Variants in SPRED1 observed in about 807,000 individuals in gnomAD.
SPRED1 encodes the protein sprouty-related, EVH1 domain-containing protein 1.
In SPRED1, 18 loss-of-function variants were observed where a neutral mutation model predicts 52.3. The observed-to-expected ratio is 0.34, with a 90% CI of 0.24 to 0.51. SPRED1 has a LOEUF of 0.51. Ranked by LOEUF, SPRED1 falls within the 20% of genes least tolerant of loss-of-function variation. The probability of loss-of-function intolerance (pLI) is 0.97; values close to 1 mark genes in which losing one functional copy is unlikely to be tolerated. For missense variants in SPRED1, 485 were observed against 551.0 expected, an observed-to-expected ratio of 0.88 and a Z score of 1.20; for synonymous variants, 155 against 179.7, an observed-to-expected ratio of 0.86 and a Z score of 1.10.
At chr15:38,280,305 C>G (rs901510694) in intron 1 of SPRED1, among the ~76,000 whole-genome samples, 3 of 152,054 alleles carry the variant, frequency 2.0e-5, no homozygotes, top group African/African-American at 7.2e-5. Flanking sequence ...CTTCATGAAT[C>G]CCTCCAGCAA....
At chr15:38,314,705 TCTGA>T (rs1307750628) in intron 2 of SPRED1, among the ~76,000 whole-genome samples, 1 of 151,946 alleles carries the variant, frequency 6.6e-6, no homozygotes, top group Non-Finnish European at 1.5e-5. Context: ...CCTATGTATG[TCTGA>T]CTGTCAAATA....
At chr15:38,289,351 T>G (rs560321280) in intron 1 of SPRED1, among the ~76,000 whole-genome samples, 5 of 152,314 alleles carry the variant, frequency 3.3e-5, no homozygotes, top group African/African-American at 1.2e-4. Context: ...TAGCCTGTTT[T>G]TCCTTTGTGG....
chr15:38,262,212 G>A (rs1045366206), intron 1 of SPRED1, among the ~76,000 whole-genome samples: 13 of 152,188 alleles, frequency 8.5e-5, no homozygotes, highest in African/African-American at 3.1e-4. Flanking sequence ...AGTGGCATTT[G>A]AATGAGTGCT....
At chr15:38,279,338 G>A (rs1894635844) in intron 1 of SPRED1, among the ~76,000 whole-genome samples, 1 of 152,190 alleles carries the variant, frequency 6.6e-6, no homozygotes, top group African/African-American at 2.4e-5. Flanking sequence ...TTACCAGTAT[G>A]AGTCAAAGGC....
Position 38,324,759 on chromosome 15 carries a change from T to G in SPRED1, c.377-4T>G. 2.5e-6 allele frequency: 4 copies of G among 1,604,798 alleles called. No individual in the cohort carries two copies. Among genetic ancestry groups the G allele is most frequent in the Non-Finnish European group, 3.4e-6 (4 of 1,175,270 alleles). On this transcript the variant is annotated splice_polypyrimidine_tract_variant and splice_region_variant and intron_variant, in intron 3 of 6. Coordinates refer to ENST00000299084, the MANE Select transcript of SPRED1 (RefSeq NM_152594.3). ...ACTTAATTAACTTTTATCTATTTTCTTAGGATGCCCCGAATCAAAAAATGA... is the reference window on the plus strand; with the variant it reads ...ACTTAATTAACTTTTATCTATTTTCGTAGGATGCCCCGAATCAAAAAATGA...
chr15:38,272,819 C>T (rs1423745716), intron 1 of SPRED1, among the ~76,000 whole-genome samples: 1 of 152,070 alleles, frequency 6.6e-6, no homozygotes, highest in Non-Finnish European at 1.5e-5. Flanking sequence ...GGTTTGTTGG[C>T]AACTTGTATG....
rs181400883 is a variant in SPRED1 at position 38,304,575 on chromosome 15, A to G, written c.207+5028A>G. Among the ~76,000 whole-genome samples, 5 of 152,308 alleles carry G rather than the reference A, an allele frequency of 3.3e-5. No individual in the cohort carries two copies. The East Asian group carries it at 9.6e-4, about 29-fold the overall frequency. On this transcript the variant is annotated intron_variant, in intron 2 of 6. Coordinates refer to ENST00000299084, the MANE Select transcript of SPRED1 (RefSeq NM_152594.3). ...CTGTGTAGCATTCAGATTAGCATCT[A>G]TTAGCTTTCATTTTCATCTACTCAT...
Position 38,338,080 on chromosome 15 carries a change from C to T in SPRED1, c.424-1657C>T, listed in dbSNP as rs375327074. Among the ~76,000 whole-genome samples, 10 of 145,058 alleles carry T rather than the reference C, an allele frequency of 6.9e-5. No homozygotes were observed. In the East Asian group the frequency reaches 1.2e-3, roughly 17 times the overall value. On this transcript the variant is annotated intron_variant, in intron 4 of 6. Coordinates refer to ENST00000299084, the MANE Select transcript of SPRED1 (RefSeq NM_152594.3). Reference sequence around the variant, plus strand: ...AAAAAAAAATAGCTGGGCGTGGCGGCGGGCTCCTGTAATCTCAGCTACTCA... The same window carrying T: ...AAAAAAAAATAGCTGGGCGTGGCGGTGGGCTCCTGTAATCTCAGCTACTCA...
At chr15:38,256,963 C>G (rs1894111190) in intron 1 of SPRED1, among the ~76,000 whole-genome samples, 1 of 152,024 alleles carries the variant, frequency 6.6e-6, no homozygotes, top group South Asian at 2.1e-4. Context: ...ATTCAGTTGG[C>G]CTGTGTAAAA....
chr15:38,357,186 T>C lies in SPRED1; in HGVS notation c.*5522T>C, dbSNP rs1888639400. 1.3e-5 allele frequency: 2 copies of C among 152,340 alleles called. No individual in the cohort carries two copies. Among genetic ancestry groups the C allele is most frequent in the East Asian group, 3.9e-4 (2 of 5,188 alleles). The allele number at this position is 152,340 out of a possible 1,614,324, so 9.4% of individuals were successfully genotyped here. Reference sequence around the variant, plus strand: ...TTGAACTGCTCTAAGATTTGCAGTTTTAGTGAGATCTGAAATGATGGTTCA... The same window carrying C: ...TTGAACTGCTCTAAGATTTGCAGTTCTAGTGAGATCTGAAATGATGGTTCA... On this transcript the variant is annotated 3_prime_UTR_variant, in exon 7 of 7. Transcript: ENST00000299084.
chr15:38,338,377 A>G (rs1043667054), intron 4 of SPRED1, among the ~76,000 whole-genome samples: 1 of 151,204 alleles, frequency 6.6e-6, no homozygotes, highest in Middle Eastern at 3.4e-3. Context: ...ATTTTCAGAA[A>G]TCTCTGGAAC....
intron 1 of SPRED1, among the ~76,000 whole-genome samples, chr15:38,254,704 T>C (rs1033989625): frequency 3.9e-5 from 6 of 152,212 alleles, no homozygotes; most frequent in African/African-American, 9.6e-5. Context: ...GACACAGTTA[T>C]GTGGGAAATA....
chr15:38,315,302 T>C (rs2140989623), intron 2 of SPRED1, among the ~76,000 whole-genome samples: 1 of 152,082 alleles, frequency 6.6e-6, no homozygotes, highest in Admixed American at 6.6e-5. Flanking sequence ...ATAACACTAT[T>C]TGTGAACATA....
At chr15:38,350,942 G>A (rs1888469036) in intron 6 of SPRED1, 72 bp from the exon 7 acceptor site, 2 of 1,409,052 alleles carry the variant, frequency 1.4e-6, no homozygotes, top group Middle Eastern at 1.8e-4. Context: ...TCTGGACACT[G>A]GCCCCACCAA....
chr15:38,339,646 G>A (rs1346817123), intron 4 of SPRED1, 91 bp from the exon 5 acceptor site: 4 of 1,363,872 alleles, frequency 2.9e-6, no homozygotes, highest in Non-Finnish European at 4.2e-6. Context: ...TTATTGACTT[G>A]CTAAATACTT....
At chr15:38,339,994 C>A in intron 5 of SPRED1, 99 bp downstream of exon 5, 1 of 1,453,204 alleles carries the variant, frequency 6.9e-7, no homozygotes, top group Non-Finnish European at 9.5e-7. Context: ...CTTTACCAGA[C>A]ACAGTAAACA....
chr15:38,292,070 C>CTT (rs1894934790), intron 1 of SPRED1, among the ~76,000 whole-genome samples: 1 of 152,200 alleles, frequency 6.6e-6, no homozygotes, highest in Admixed American at 6.5e-5. Flanking sequence ...GAATGCTTTG[C>CTT]TGCTTAGAAA....
intron 4 of SPRED1, among the ~76,000 whole-genome samples, chr15:38,330,832 T>C (rs183727791): frequency 3.9e-5 from 6 of 152,276 alleles, no homozygotes; most frequent in Admixed American, 2.6e-4. Context: ...GACTGTGATA[T>C]CCCTTTTTTT....
At chr15:38,280,743 G>A (rs1252022451) in intron 1 of SPRED1, among the ~76,000 whole-genome samples, 1 of 152,154 alleles carries the variant, frequency 6.6e-6, no homozygotes, top group African/African-American at 2.4e-5. Flanking sequence ...TAGAATGAAT[G>A]AGTAGAAATT....
Sources: allele counts gnomAD v4.1 joint callset (sites outside exome capture counted in the v4.1 genomes callset), GRCh38; gene constraint gnomAD v4.1.1; transcripts MANE v1.5; gene names NCBI Gene and HGNC (gene_info 2026-07-23, HGNC 2026-07-21).